Variants in ANK3 observed in about 807,000 individuals in gnomAD.
ANK3 encodes ankyrin 3.
Under a neutral mutation model 370.9 loss-of-function variants are expected in ANK3, and 57 were observed. The ratio of observed to expected loss-of-function variants is 0.15; its 90% CI spans 0.12 to 0.19. ANK3 has a LOEUF of 0.19. Ranked by LOEUF, ANK3 falls within the 10% of genes least tolerant of loss-of-function variation. The probability of loss-of-function intolerance (pLI) is 1.00; values close to 1 mark genes in which losing one functional copy is unlikely to be tolerated. For synonymous variants in ANK3, 1,929 were observed against 1,946.3 expected (o/e 0.99, Z 0.23); for missense variants, 4,439 against 5,302.1 (o/e 0.84, Z 5.06).
intron 23 of ANK3, chr10:60,140,584 A>C: frequency 7.2e-7 from 1 of 1,389,262 alleles, no homozygotes; most frequent in Non-Finnish European, 9.3e-7. Flanking sequence ...AGATTTTCAA[A>C]ATTTCAGGCC....
intron 7 of ANK3, among the ~76,000 whole-genome samples, chr10:60,238,544 C>T (rs894760125): frequency 2.6e-5 from 4 of 152,112 alleles, no homozygotes; most frequent in African/African-American, 9.7e-5. Context: ...ACCCCTAGCA[C>T]TAGCCTAGCA....
chr10:60,613,767 A>G (rs2078231814), intron 2 of ANK3, among the ~76,000 whole-genome samples: 10 of 151,924 alleles, frequency 6.6e-5, no homozygotes, highest in Admixed American at 6.6e-4. Context: ...AACAAAAAAA[A>G]AAATCATTTT....
rs188420325 is a variant in ANK3, at chr10:60,439,389, G to A, written c.97-159750C>T. ...TAACACATAATAGGCTGGGTACAGTGGCTCATGCCCGTAATCCCAGTACTT... is the reference window on the plus strand; with the variant it reads ...TAACACATAATAGGCTGGGTACAGTAGCTCATGCCCGTAATCCCAGTACTT... On this transcript the variant is annotated intron_variant, in intron 2 of 43. Transcript: ENST00000373827. 3.5e-4 allele frequency among the ~76,000 whole-genome samples: 54 copies of A among 152,238 alleles called. No individual in the cohort carries two copies. The East Asian group carries it at 5.2e-3, about 15-fold the overall frequency.
intron 42 of ANK3, chr10:60,053,552 G>T: frequency 1.5e-6 from 1 of 656,464 alleles, no homozygotes; most frequent in African/African-American, 1.9e-5. Context: ...TCAGGCTCAG[G>T]ATTCCTTTTA....
At chr10:60,613,860 G>A (rs1406625679) in intron 2 of ANK3, among the ~76,000 whole-genome samples, 1 of 152,210 alleles carries the variant, frequency 6.6e-6, no homozygotes. Flanking sequence ...GATCACCTGA[G>A]GTCAGGAGTT....
chr10:60,453,524 G>C (rs532625009), intron 2 of ANK3, among the ~76,000 whole-genome samples: 2 of 152,278 alleles, frequency 1.3e-5, no homozygotes, highest in East Asian at 3.9e-4. Context: ...ATGTCTTAGA[G>C]ACTTCAAAGC....
intron 2 of ANK3, among the ~76,000 whole-genome samples, chr10:60,560,888 G>C (rs1361169502): frequency 6.6e-6 from 1 of 152,036 alleles, no homozygotes; most frequent in Admixed American, 6.6e-5. Flanking sequence ...AGACCACCGT[G>C]GTTCAACTTC....
intron 1 of ANK3, among the ~76,000 whole-genome samples, chr10:60,679,528 T>G (rs2079167309): frequency 6.6e-6 from 1 of 152,146 alleles, no homozygotes; most frequent in Non-Finnish European, 1.5e-5. Flanking sequence ...GTATATGACC[T>G]TCTTCTGGGA....
chr10:60,175,434 A>G (rs919727056), intron 18 of ANK3, among the ~76,000 whole-genome samples: 4 of 151,992 alleles, frequency 2.6e-5, no homozygotes, highest in African/African-American at 7.3e-5. Flanking sequence ...AAGACTCCCT[A>G]TTTTTTTCTT....
chr10:60,628,500 C>A (rs2078439749), intron 1 of ANK3, among the ~76,000 whole-genome samples: 1 of 152,130 alleles, frequency 6.6e-6, no homozygotes. Flanking sequence ...GAATTATGAC[C>A]CTATGATTCT....
chr10:60,456,498 C>G (rs1308094930), intron 2 of ANK3, among the ~76,000 whole-genome samples: 1 of 152,106 alleles, frequency 6.6e-6, no homozygotes, highest in Non-Finnish European at 1.5e-5. Context: ...GGAAATACAC[C>G]CTGTCCTGAC....
chr10:60,216,176 T>C (rs1689610798), intron 8 of ANK3, among the ~76,000 whole-genome samples: 1 of 152,102 alleles, frequency 6.6e-6, no homozygotes, highest in African/African-American at 2.4e-5. Context: ...GCTGAGATGG[T>C]GGAGTTTTTT....
At position 60,236,703 on chromosome 10, in the gene ANK3, C is replaced by T. The variant is rs962658520; in HGVS notation, c.799-1917G>A. On this transcript the variant is annotated intron_variant, in intron 7 of 43. Coordinates refer to ENST00000280772, the MANE Select transcript of ANK3 (RefSeq NM_020987.5). The stretch of plus-strand genomic sequence containing the variant: ...TCTCTTTGCTCACTATTCTTAGATG[C>T]TAAAATATAAATCTTAAATGAAAGA... 8.5e-5 allele frequency among the ~76,000 whole-genome samples: 13 copies of T among 152,228 alleles called. No homozygotes were observed. In the Middle Eastern group the frequency reaches 0.014, roughly 159 times the overall value.
At chr10:60,323,209 A>C (rs1189347609) in intron 1 of ANK3, among the ~76,000 whole-genome samples, 1 of 152,160 alleles carries the variant, frequency 6.6e-6, no homozygotes, top group Non-Finnish European at 1.5e-5. Flanking sequence ...AACTCTGAGA[A>C]ACAGAAGATA....
chr10:60,423,872 G>T (rs1331296004), intron 2 of ANK3, among the ~76,000 whole-genome samples: 3 of 152,044 alleles, frequency 2.0e-5, no homozygotes, highest in Non-Finnish European at 2.9e-5. Context: ...CACGCTGGTT[G>T]CAAACAACTC....
At chr10:60,494,084 T>C (rs767006931) in intron 2 of ANK3, among the ~76,000 whole-genome samples, 6 of 152,208 alleles carry the variant, frequency 3.9e-5, no homozygotes, top group Non-Finnish European at 8.8e-5. Context: ...AGAAAAAACC[T>C]GACCTTTAGT....
intron 16 of ANK3, 91 bp from the exon 17 acceptor site, chr10:60,187,003 G>T: frequency 7.9e-7 from 1 of 1,264,476 alleles, no homozygotes; most frequent in Non-Finnish European, 1.1e-6. Flanking sequence ...CTTTCTAGTG[G>T]TTTTCTATGA....
At chr10:60,197,614 C>T (rs1411051519) in intron 14 of ANK3, among the ~76,000 whole-genome samples, 2 of 152,182 alleles carry the variant, frequency 1.3e-5, no homozygotes, top group Non-Finnish European at 2.9e-5. Context: ...ATCATTTATC[C>T]CGATAGTTTT....
intron 1 of ANK3, among the ~76,000 whole-genome samples, chr10:60,704,116 A>G (rs1301561997): frequency 6.6e-6 from 1 of 152,174 alleles, no homozygotes; most frequent in African/African-American, 2.4e-5. Context: ...CAGCCCTTAT[A>G]TCTTGCCTCT....
Sources: gnomAD v4.1 joint callset for allele counts (sites outside exome capture counted in the v4.1 genomes callset) on GRCh38, gnomAD v4.1.1 for gene constraint, MANE v1.5 for transcripts, NCBI Gene and HGNC (gene_info 2026-07-23, HGNC 2026-07-21) for gene names.